TBC1D8B: variants seen among roughly 807,000 people sequenced by gnomAD.
The protein encoded by TBC1D8B is RP11-321G1.1.
In TBC1D8B, 75 loss-of-function variants were observed where a neutral mutation model predicts 82.9. The observed-to-expected ratio is 0.90, with a 90% CI of 0.75 to 1.10. TBC1D8B has a LOEUF of 1.10. TBC1D8B is among the 50% of genes least tolerant of loss of function. The probability of loss-of-function intolerance (pLI) is 0.00; values close to 1 mark genes in which losing one functional copy is unlikely to be tolerated. For missense variants in TBC1D8B, 794 were observed against 796.9 expected (o/e 1.00, Z 0.04); for synonymous variants, 276 against 276.8 (o/e 1.00, Z 0.03).
At chrX:106,812,301 T>C (rs1931404777) in intron 1 of TBC1D8B, among the ~76,000 whole-genome samples, 1 of 112,086 alleles carries the variant, frequency 8.9e-6, no homozygotes, top group Non-Finnish European at 1.9e-5. Context: ...AGTTTACTAA[T>C]TAGTTTGTTT....
chrX:106,851,322 G>A (rs995367839), intron 12 of TBC1D8B, among the ~76,000 whole-genome samples: 6 of 112,120 alleles, frequency 5.4e-5, no homozygotes, highest in Non-Finnish European at 1.1e-4. Context: ...ATCAGGAGGC[G>A]GAGGTTGTAG....
At chrX:106,809,352 G>T (rs1931287100) in intron 1 of TBC1D8B, among the ~76,000 whole-genome samples, 1 of 111,355 alleles carries the variant, frequency 9.0e-6, no homozygotes, top group South Asian at 3.8e-4. Context: ...ATAAAGTAAG[G>T]TATCATGATA....
intron 7 of TBC1D8B, among the ~76,000 whole-genome samples, chrX:106,837,443 T>C (rs1353050001): frequency 5.4e-5 from 6 of 111,902 alleles, no homozygotes; most frequent in African/African-American, 1.9e-4. Context: ...CATTAAAAGA[T>C]TTTTCATATC....
intron 10 of TBC1D8B, 103 bp from the exon 11 acceptor site, chrX:106,848,083 C>G: frequency 4.2e-6 from 2 of 480,372 alleles, no homozygotes; most frequent in South Asian, 5.3e-5. Flanking sequence ...ACTATTATTA[C>G]TCTCAGTTGT....
chrX:106,854,034 T>C (rs778161973), intron 13 of TBC1D8B, among the ~76,000 whole-genome samples, 164 bp from the exon 14 acceptor site: 1 of 111,676 alleles, frequency 9.0e-6, no homozygotes, highest in Non-Finnish European at 1.9e-5. Context: ...ATTTAAAAAC[T>C]GAAACGTGGG....
chrX:106,862,776 G>GTTTTTTTTTTTTTTTTTTTTTTTT (rs1181091591), intron 14 of TBC1D8B, among the ~76,000 whole-genome samples: 14 of 37,294 alleles, frequency 3.8e-4, no homozygotes, highest in African/African-American at 4.8e-4. Flanking sequence ...GTTTTTTTTT[G>GTTTTTTTTTTTTTTTTTTTTTTTT]TTTTTTTTTT....
intron 14 of TBC1D8B, among the ~76,000 whole-genome samples, chrX:106,858,722 A>G (rs899366114): frequency 1.8e-5 from 2 of 111,767 alleles, no homozygotes; most frequent in African/African-American, 6.5e-5. Flanking sequence ...AATTAGTCCC[A>G]TTTGTCAAAT....
Position 106,846,988 on chromosome X carries a change from T to A in TBC1D8B, c.1720-1198T>A, listed in dbSNP as rs748245879. On this transcript the variant is annotated intron_variant, in intron 10 of 20. Coordinates refer to ENST00000357242, the MANE Select transcript of TBC1D8B (RefSeq NM_017752.3). Reference sequence around the variant, plus strand: ...TGGCAAAGATGCAGTGAAATAAACATTTAAACACTATTGGTCAGAAATATA... The same window carrying A: ...TGGCAAAGATGCAGTGAAATAAACAATTAAACACTATTGGTCAGAAATATA... Among the ~76,000 whole-genome samples the A allele has an allele frequency of 1.7e-4, 19 of 112,366 alleles. No homozygotes were observed. In the East Asian group the frequency reaches 5.0e-3, roughly 30 times the overall value.
intron 2 of TBC1D8B, among the ~76,000 whole-genome samples, 182 bp downstream of exon 2, chrX:106,818,955 T>A: frequency 9.1e-6 from 1 of 109,398 alleles, no homozygotes; most frequent in Non-Finnish European, 1.9e-5. Context: ...GTTTTTTTTT[T>A]TTTTTTAATC....
intron 14 of TBC1D8B, among the ~76,000 whole-genome samples, chrX:106,862,795 T>G (rs1413732533): frequency 2.1e-5 from 2 of 94,586 alleles, no homozygotes; most frequent in South Asian, 5.6e-4. Context: ...TTTTTTTTTT[T>G]TTTTTTTGCT....
intron 10 of TBC1D8B, among the ~76,000 whole-genome samples, chrX:106,841,823 C>T (rs1337343500): frequency 9.0e-6 from 1 of 111,588 alleles, no homozygotes; most frequent in Non-Finnish European, 1.9e-5. Flanking sequence ...ACCATTAGCA[C>T]TCACAGGAAC....
At chrX:106,823,792 A>G (rs1931763260) in intron 5 of TBC1D8B, among the ~76,000 whole-genome samples, 1 of 112,016 alleles carries the variant, frequency 8.9e-6, no homozygotes, top group African/African-American at 3.2e-5. Context: ...TTCTCTATGA[A>G]TAGTCTAGAC....
In TBC1D8B at chrX:106,838,797, C is replaced by T. The variant is rs193010240; in HGVS notation, c.1204-511C>T. On this transcript the variant is annotated intron_variant, in intron 7 of 20. Transcript: ENST00000357242. ...TGAATAAAATCAAATGATAACAACA[C>T]CCTGGGAATAGAGATTTTCCAGGGA... is the stretch of plus-strand genomic sequence containing the variant. Among the ~76,000 whole-genome samples, 4 of 111,735 alleles carry T rather than the reference C, an allele frequency of 3.6e-5. No homozygotes were observed. In the Admixed American group the frequency reaches 3.8e-4, roughly 11 times the overall value.
At chrX:106,846,580 G>A (rs965471863) in intron 10 of TBC1D8B, among the ~76,000 whole-genome samples, 3 of 111,358 alleles carry the variant, frequency 2.7e-5, no homozygotes, top group Non-Finnish European at 3.8e-5. Flanking sequence ...AGTTGATTCC[G>A]ATGACTTTTG....
chrX:106,836,598 C>T (rs1932182516), intron 7 of TBC1D8B, among the ~76,000 whole-genome samples: 1 of 108,196 alleles, frequency 9.2e-6, no homozygotes, highest in Non-Finnish European at 1.9e-5. Flanking sequence ...TTTTTTTTAG[C>T]ACTCCTAGTA....
At chrX:106,809,921 A>G (rs184170591) in intron 1 of TBC1D8B, among the ~76,000 whole-genome samples, 3 of 110,189 alleles carry the variant, frequency 2.7e-5, no homozygotes, top group African/African-American at 9.9e-5. Context: ...AATAGTTCCA[A>G]CCCTTACGGA....
In TBC1D8B at chrX:106,826,069, CT is replaced by C; in HGVS notation, c.873del (p.Phe291LeufsTer9). 8.3e-7 allele frequency: 1 copy of C among 1,210,200 alleles called. No homozygotes were observed. The highest frequency in any genetic ancestry group is 1.1e-6 in the Non-Finnish European group (1 of 894,815). Reference protein sequence around the residue: ...NRAHSEQFNAFFRLPKGESLK... With the variant: ...NRAHSEQFNAXFRLPKGESLK... Reference sequence around the variant, plus strand: ...GAGCCCACAGTGAGCAATTTAATGCCTTTTTTAGGCTGCCCAAAGGAGAGAG... The same window carrying C: ...GAGCCCACAGTGAGCAATTTAATGCCTTTTTAGGCTGCCCAAAGGAGAGAG... On this transcript the variant is annotated frameshift_variant, in exon 6 of 21. Coordinates refer to ENST00000357242, the MANE Select transcript of TBC1D8B (RefSeq NM_017752.3). LOFTEE classifies it high-confidence loss of function.
chrX:106,806,540 G>A (rs1931192715), intron 1 of TBC1D8B, among the ~76,000 whole-genome samples: 1 of 111,518 alleles, frequency 9.0e-6, no homozygotes, highest in Admixed American at 9.5e-5. Context: ...TGGAGCTATG[G>A]GGCTACATTC....
In TBC1D8B at chrX:106,839,306, A is replaced by T; in HGVS notation, c.1204-2A>T. 3 of 1,135,473 alleles carry T rather than the reference A, an allele frequency of 2.6e-6. No homozygotes were observed. Among genetic ancestry groups the T allele is most frequent in the Non-Finnish European group, 2.3e-6 (2 of 857,139 alleles). The allele number at this position is 1,135,473 out of a possible 1,213,427, so 93.6% of individuals were successfully genotyped here. ...GGGACAACTACATTCTTTCTTTTTC[A>T]GCTTGCTATTAGTTCTGAGTCTACA... is the stretch of plus-strand genomic sequence containing the variant. On this transcript the variant is annotated splice_acceptor_variant, in intron 7 of 20. Transcript: ENST00000357242. LOFTEE classifies it high-confidence loss of function.
Sources: gnomAD v4.1 joint callset for allele counts (sites outside exome capture counted in the v4.1 genomes callset) on GRCh38, gnomAD v4.1.1 for gene constraint, MANE v1.5 for transcripts, NCBI Gene and HGNC (gene_info 2026-07-23, HGNC 2026-07-21) for gene names.